Variants in CNOT4 observed in about 807,000 individuals in gnomAD.
CNOT4 encodes CCR4-NOT transcription complex subunit 4.
Under a neutral mutation model 73.8 loss-of-function variants are expected in CNOT4, and 8 were observed. That is an observed-to-expected ratio of 0.11 (90% CI 0.06 to 0.20). The LOEUF is 0.20. CNOT4 is among the 10% of genes least tolerant of loss of function. The pLI, the probability that CNOT4 is intolerant of heterozygous loss-of-function variation, is 1.00. For synonymous variants in CNOT4, 293 were observed against 321.1 expected, an observed-to-expected ratio of 0.91 and a Z score of 0.94; for missense variants, 564 against 883.4, an observed-to-expected ratio of 0.64 and a Z score of 4.58.
chr7:135,463,976 C>A (rs1801051963), intron 1 of CNOT4, among the ~76,000 whole-genome samples: 1 of 121,886 alleles, frequency 8.2e-6, no homozygotes, highest in East Asian at 2.5e-4. Flanking sequence ...ATCAAAACCA[C>A]AATGAGGTAT....
At chr7:135,426,064 A>T (rs1798478313) in intron 2 of CNOT4, among the ~76,000 whole-genome samples, 1 of 151,968 alleles carries the variant, frequency 6.6e-6, no homozygotes. Context: ...ATAAAAAAAA[A>T]TTATCCAGGC....
rs572508070 is a variant in CNOT4, at chr7:135,394,055, C to A, written c.1490G>T (p.Arg497Leu). Residue 497 changes from arginine (R) to leucine (L), a missense_variant, in exon 10 of 12, where the codon CGC becomes CTC. Around this residue, in one of 10 missense-constraint regions of CNOT4, gnomAD observed 153 missense variants for 158.7 expected, o/e 0.96. Coordinates refer to ENST00000541284, the MANE Select transcript of CNOT4 (RefSeq NM_001190850.2). ...NSFSFPGQAARYPWMAFPRNS... is the reference protein window; with the variant it reads ...NSFSFPGQAALYPWMAFPRNS... Reference sequence around the variant, plus strand: ...GCGTGGAAAGGCCATCCAAGGATAGCGGGCTGCCTGGCCTGGAAAACTGAA... The same window carrying A: ...GCGTGGAAAGGCCATCCAAGGATAGAGGGCTGCCTGGCCTGGAAAACTGAA... 3 of 1,614,156 alleles carry A rather than the reference C, an allele frequency of 1.9e-6. No individual in the cohort carries two copies. The highest frequency in any genetic ancestry group is 3.3e-5 in the Admixed American group (2 of 60,016).
At chr7:135,447,014 G>C (rs1192394057) in intron 1 of CNOT4, among the ~76,000 whole-genome samples, 1 of 121,638 alleles carries the variant, frequency 8.2e-6, no homozygotes, top group Non-Finnish European at 2.0e-5. Flanking sequence ...GAAATGACCC[G>C]GTGCATCACA....
chr7:135,435,544 A>G (rs1246931163), intron 2 of CNOT4, among the ~76,000 whole-genome samples: 1 of 152,202 alleles, frequency 6.6e-6, no homozygotes. Context: ...TTCTACATGA[A>G]TATGACATTC....
At chr7:135,375,693 G>A (rs1266946691) in intron 10 of CNOT4, among the ~76,000 whole-genome samples, 1 of 152,214 alleles carries the variant, frequency 6.6e-6, no homozygotes, top group Non-Finnish European at 1.5e-5. Flanking sequence ...GGGAGGCCGA[G>A]GCGGGAGGAT....
intron 2 of CNOT4, among the ~76,000 whole-genome samples, chr7:135,428,313 A>G (rs1798623087): frequency 6.6e-6 from 1 of 152,186 alleles, no homozygotes; most frequent in Non-Finnish European, 1.5e-5. Flanking sequence ...CTCAATGACA[A>G]TAACAAGGAA....
At chr7:135,449,114 C>T (rs1327342131) in intron 1 of CNOT4, among the ~76,000 whole-genome samples, 1 of 151,960 alleles carries the variant, frequency 6.6e-6, no homozygotes, top group East Asian at 1.9e-4. Flanking sequence ...ATAATTTGAG[C>T]AAAAACAGCA....
chr7:135,364,115 C>T lies in CNOT4; in HGVS notation c.1628-49G>A. On this transcript the variant is annotated intron_variant, in intron 10 of 11. Transcript: ENST00000541284. The surrounding 1 kb of genome is among the most constrained non-coding windows in gnomAD (Gnocchi z 4.3). ...ATGAAAGATAAAAAAAAATAAAAAG[C>T]TACGTTAGAAACATATGTTGTTCTT... 1.5e-6 allele frequency: 2 copies of T among 1,354,972 alleles called. No homozygotes were observed. The highest frequency in any genetic ancestry group is 1.3e-5 in the South Asian group (1 of 79,488). 83.9% of individuals were successfully genotyped at this position (1,354,972 alleles called of 1,614,324 possible).
chr7:135,455,542 A>AG (rs1800472570), intron 1 of CNOT4, among the ~76,000 whole-genome samples: 1 of 152,046 alleles, frequency 6.6e-6, no homozygotes, highest in Non-Finnish European at 1.5e-5. Context: ...TACATACTTC[A>AG]GGTGTCTTCA....
intron 7 of CNOT4, among the ~76,000 whole-genome samples, chr7:135,403,109 T>C (rs1220939824): frequency 6.6e-6 from 1 of 152,234 alleles, no homozygotes; most frequent in Non-Finnish European, 1.5e-5. Context: ...TTTACTTACA[T>C]TTTAAACATA....
rs750193023 is a variant in CNOT4, at chr7:135,410,660, A to G, written c.688-12T>C. The G allele has an allele frequency of 1.3e-6, 2 of 1,573,154 alleles. No individual in the cohort carries two copies. Among genetic ancestry groups the G allele is most frequent in the Non-Finnish European group, 1.7e-6 (2 of 1,163,356 alleles). On this transcript the variant is annotated splice_polypyrimidine_tract_variant and intron_variant, in intron 6 of 11. Transcript: ENST00000541284. ...TGGTGTTTACCCGCCTAACGAAAGAAGAAATTAAAACTGCAGTGGGATTCA... is the reference window on the plus strand; with the variant it reads ...TGGTGTTTACCCGCCTAACGAAAGAGGAAATTAAAACTGCAGTGGGATTCA...
chr7:135,361,986 A>C lies in CNOT4; in HGVS notation c.*899T>G, dbSNP rs1311342394. 6.5e-6 allele frequency: 1 copy of C among 152,688 alleles called. No homozygotes were observed. The highest frequency in any genetic ancestry group is 2.4e-5 in the African/African-American group (1 of 41,444). The allele number at this position is 152,688 out of a possible 1,614,324, so 9.5% of individuals were successfully genotyped here. ...TAAAAGCTGCAGGCAAGGAGGTCAG[A>C]GATTTGCTCCCGATGGTGATCAGAT... On this transcript the variant is annotated 3_prime_UTR_variant, in exon 12 of 12. Transcript: ENST00000541284.
chr7:135,438,238 T>G lies in CNOT4; in HGVS notation c.94A>C (p.Thr32Pro). Residue 32 changes from threonine (T) to proline (P), a missense_variant, in exon 2 of 12, where the codon ACC becomes CCC. Physicochemically the swap from Thr to Pro is conservative, Grantham distance 38. This residue lies in a region of CNOT4 where 76 missense variants were observed against 208.7 expected (regional missense o/e 0.36). Transcript: ENST00000541284. ...AATCGGCAAATCTGGTAGCCACAGG[T>G]GCAAGGGAAAAAGTTGATATCATCT... ...EIDDINFFPCTCGYQICRFCW... is the reference protein window; with the variant it reads ...EIDDINFFPCPCGYQICRFCW... 1 of 1,613,234 alleles carries G rather than the reference T, an allele frequency of 6.2e-7. No individual in the cohort carries two copies.
intron 7 of CNOT4, among the ~76,000 whole-genome samples, chr7:135,409,470 A>G (rs1159012039): frequency 6.6e-6 from 1 of 152,144 alleles, no homozygotes; most frequent in African/African-American, 2.4e-5. Context: ...GTTTTTAATA[A>G]TTTAAATAAT....
At chr7:135,476,297 A>G (rs1801990735) in intron 1 of CNOT4, among the ~76,000 whole-genome samples, 1 of 152,216 alleles carries the variant, frequency 6.6e-6, no homozygotes, top group African/African-American at 2.4e-5. Context: ...CCGTCAGCCC[A>G]GACAACTGAT....
intron 1 of CNOT4, among the ~76,000 whole-genome samples, chr7:135,468,849 A>G (rs1363980785): frequency 1.3e-5 from 2 of 152,096 alleles, no homozygotes; most frequent in Admixed American, 1.3e-4. Context: ...TATTATACTT[A>G]TTATCTTCCT....
intron 10 of CNOT4, among the ~76,000 whole-genome samples, chr7:135,379,931 T>C (rs149106587): frequency 4.7e-3 from 396 of 84,802 alleles, no homozygotes; most frequent in African/African-American, 0.016. Flanking sequence ...GCAAGTCTGA[T>C]AACAGAGTGT....
chr7:135,389,730 G>T lies in CNOT4; in HGVS notation c.1627+4188C>A, dbSNP rs191949466. Among the ~76,000 whole-genome samples, 510 of 152,068 alleles carry T rather than the reference G, an allele frequency of 3.4e-3. 4 individuals are homozygous for T. Among genetic ancestry groups the T allele is most frequent in the African/African-American group, 0.012 (483 of 41,490 alleles). Reference sequence around the variant, plus strand: ...TAAACAGTTTCAAATATTTTTTGAGGTATATCTTGAAACAACAATGCTTAC... The same window carrying T: ...TAAACAGTTTCAAATATTTTTTGAGTTATATCTTGAAACAACAATGCTTAC... On this transcript the variant is annotated intron_variant, in intron 10 of 11. Coordinates refer to ENST00000541284, the MANE Select transcript of CNOT4 (RefSeq NM_001190850.2).
At chr7:135,426,660 T>C (rs1425952616) in intron 2 of CNOT4, among the ~76,000 whole-genome samples, 2 of 150,254 alleles carry the variant, frequency 1.3e-5, no homozygotes, top group East Asian at 4.0e-4. Context: ...CAGTGGCTCA[T>C]GCCTGTAATC....
Sources: allele counts gnomAD v4.1 joint callset (sites outside exome capture counted in the v4.1 genomes callset), GRCh38; gene constraint gnomAD v4.1.1; regional missense constraint gnomAD v4.1.1; non-coding constraint Gnocchi (gnomAD v3.1); transcripts MANE v1.5; gene names NCBI Gene and HGNC (gene_info 2026-07-23, HGNC 2026-07-21).